CCL24: variants seen among roughly 807,000 people sequenced by gnomAD.
The protein encoded by CCL24 is C-C motif chemokine ligand 24.
A neutral mutation model predicts 8.6 loss-of-function variants in CCL24; 6 were observed. The observed-to-expected ratio is 0.70, with a 90% CI of 0.38 to 1.38. The LOEUF (loss-of-function observed/expected upper bound fraction) is 1.38. Ranked by LOEUF, CCL24 falls within the 40% of genes most tolerant of loss-of-function variation. The probability of loss-of-function intolerance (pLI) is 0.02; values close to 1 mark genes in which losing one functional copy is unlikely to be tolerated. For missense variants in CCL24, 126 were observed against 147.1 expected, an observed-to-expected ratio of 0.86 and a Z score of 0.74; for synonymous variants, 59 against 52.7, an observed-to-expected ratio of 1.12 and a Z score of -0.52.
chr7:75,811,587 G>A lies in CCL24; in HGVS notation c.*209C>T. 1 of 467,988 alleles carries A rather than the reference G, an allele frequency of 2.1e-6. No homozygotes were observed. The highest frequency in any genetic ancestry group is 3.8e-6 in the Non-Finnish European group (1 of 265,798). 29.0% of individuals were successfully genotyped at this position (467,988 alleles called of 1,614,324 possible). ...TCTCACCCAGCTCCAGAAAGGCAAG[G>A]GGCCTTGGATGCTTGGAGCCATTGC... On this transcript the variant is annotated 3_prime_UTR_variant, in exon 3 of 3. Coordinates refer to ENST00000222902, the MANE Select transcript of CCL24 (RefSeq NM_002991.3).
Position 75,821,324 on chromosome 7 carries a change from C to T in CCL24, c.-60+1998G>A, listed in dbSNP as rs150166143. Among the ~76,000 whole-genome samples, 105 of 151,134 alleles carry T rather than the reference C, an allele frequency of 6.9e-4. No individual in the cohort carries two copies. The East Asian group carries it at 0.019, about 27-fold the overall frequency. On this transcript the variant is annotated intron_variant, in intron 1 of 3. Coordinates refer to the CCL24 transcript ENST00000416943. ...AGCCTTAAAGAAATCACTCTGGCTG[C>T]AGTAAGTCATGTGGCAGAACTGGTG...
intron 1 of CCL24, among the ~76,000 whole-genome samples, chr7:75,820,098 T>TTCTTCTTCTTCC (rs1804006324): frequency 8.4e-6 from 1 of 118,534 alleles, no homozygotes; most frequent in African/African-American, 2.9e-5. Context: ...CCTCTTCTTC[T>TTCTTCTTCTTCC]TCTTCTTCCT....
Position 75,811,527 on chromosome 7 carries a change from G to A in CCL24, c.*269C>T, listed in dbSNP as rs558803389. On this transcript the variant is annotated 3_prime_UTR_variant, in exon 3 of 3. Coordinates refer to ENST00000222902, the MANE Select transcript of CCL24 (RefSeq NM_002991.3). ...CATCAGAACCAGGTCAGGAGGAGAA[G>A]GCAAAGAGTTGCCACTGCTCTCCTT... The A allele has an allele frequency of 3.1e-5, 11 of 354,960 alleles. No homozygotes were observed. In the East Asian group the frequency reaches 4.7e-4, roughly 15 times the overall value. 22.0% of individuals were successfully genotyped at this position (354,960 alleles called of 1,614,324 possible). A position where few individuals can be genotyped will look rare whatever the true frequency, so the allele number is the denominator to read the frequency against.
intron 1 of CCL24, among the ~76,000 whole-genome samples, chr7:75,820,006 T>C (rs940764511): frequency 6.8e-6 from 1 of 146,308 alleles, no homozygotes; most frequent in Admixed American, 6.9e-5. Context: ...ATGTAAGGGC[T>C]TTTAGTAAAC....
chr7:75,811,749 G>C lies in CCL24; in HGVS notation c.*47C>G. 1.3e-6 allele frequency: 2 copies of C among 1,543,386 alleles called. No homozygotes were observed. Among genetic ancestry groups the C allele is most frequent in the Non-Finnish European group, 1.8e-6 (2 of 1,139,848 alleles). ...GGCTTCTCCAGGCCCCGAGTAGCCC[G>C]CCAAGCAGCTCAGGCCCAAACTCAG... On this transcript the variant is annotated 3_prime_UTR_variant, in exon 3 of 3. Transcript: ENST00000222902.
chr7:75,811,643 C>T lies in CCL24; in HGVS notation c.*153G>A. 1.5e-6 allele frequency: 1 copy of T among 657,890 alleles called. No homozygotes were observed. Among genetic ancestry groups the T allele is most frequent in the Non-Finnish European group, 2.5e-6 (1 of 402,094 alleles). 40.8% of individuals were successfully genotyped at this position (657,890 alleles called of 1,614,324 possible). On this transcript the variant is annotated 3_prime_UTR_variant, in exon 3 of 3. Transcript: ENST00000222902. ...CCCCGGGAACCACATCACCTGCTCCCTCGGGTTTTTCATAGAAGAGACACA... is the reference window on the plus strand; with the variant it reads ...CCCCGGGAACCACATCACCTGCTCCTTCGGGTTTTTCATAGAAGAGACACA...
chr7:75,820,743 C>A (rs1303409236), intron 1 of CCL24, among the ~76,000 whole-genome samples: 2 of 150,306 alleles, frequency 1.3e-5, no homozygotes, highest in South Asian at 2.1e-4. Context: ...ACCTACCCAC[C>A]CATGCATCCA....
upstream of CCL24, among the ~76,000 whole-genome samples, chr7:75,817,625 C>T: frequency 6.6e-6 from 1 of 151,402 alleles, no homozygotes; most frequent in South Asian, 2.1e-4. Flanking sequence ...GCCTCAGCCT[C>T]CTGAGTAGCT....
intron 1 of CCL24, among the ~76,000 whole-genome samples, chr7:75,819,458 C>T (rs1803979247): frequency 6.7e-6 from 1 of 148,630 alleles, no homozygotes; most frequent in African/African-American, 2.5e-5. Flanking sequence ...AACCTCAACT[C>T]TACAAAATAT....
At chr7:75,814,294 G>A (rs1203663168), upstream of CCL24, among the ~76,000 whole-genome samples, 2 of 152,134 alleles carry the variant, frequency 1.3e-5, no homozygotes. Context: ...AGCTGGGCAC[G>A]GGGGCTCATG....
chr7:75,815,898 C>T (rs549915270), upstream of CCL24, among the ~76,000 whole-genome samples: 6 of 152,254 alleles, frequency 3.9e-5, no homozygotes, highest in East Asian at 9.7e-4. Context: ...TTCAATTATG[C>T]CTAACCATAA....
chr7:75,817,227 C>T (rs559934759), upstream of CCL24, among the ~76,000 whole-genome samples: 67 of 152,170 alleles, frequency 4.4e-4, no homozygotes, highest in African/African-American at 1.2e-3. Context: ...GAGGGGATGC[C>T]GGTTGACTGC....
At chr7:75,815,293 A>G (rs1554533987), upstream of CCL24, among the ~76,000 whole-genome samples, 1 of 150,684 alleles carries the variant, frequency 6.6e-6, no homozygotes, top group Non-Finnish European at 1.5e-5. Context: ...GAGCTAGGTG[A>G]GCACCACTGA....
chr7:75,815,088 CA>C (rs1172684035), upstream of CCL24, among the ~76,000 whole-genome samples: 1 of 152,000 alleles, frequency 6.6e-6, no homozygotes, highest in Non-Finnish European at 1.5e-5. Context: ...CCTGTAATCC[CA>C]ATGCTTTAGG....
upstream of CCL24, among the ~76,000 whole-genome samples, chr7:75,815,529 G>T (rs1466573754): frequency 6.6e-6 from 1 of 152,084 alleles, no homozygotes; most frequent in East Asian, 1.9e-4. Context: ...GGCCAATTGT[G>T]CCAGGAGGAA....
intron 1 of CCL24, among the ~76,000 whole-genome samples, chr7:75,821,406 A>G (rs1804046460): frequency 6.6e-6 from 1 of 152,050 alleles, no homozygotes; most frequent in Non-Finnish European, 1.5e-5. Flanking sequence ...GGATGGAAAA[A>G]AGAGGATGGA....
At chr7:75,820,798 T>C (rs1040322883) in intron 1 of CCL24, among the ~76,000 whole-genome samples, 12 of 147,722 alleles carry the variant, frequency 8.1e-5, no homozygotes, top group Non-Finnish European at 1.6e-4. Flanking sequence ...TACTCATCTA[T>C]CCATCCATCC....
At chr7:75,820,030 T>A (rs1343438658) in intron 1 of CCL24, among the ~76,000 whole-genome samples, 19 of 124,854 alleles carry the variant, frequency 1.5e-4, no homozygotes, top group African/African-American at 5.5e-4. Context: ...TTCTTCTTCT[T>A]CTTCTTCTTC....
intron 1 of CCL24, among the ~76,000 whole-genome samples, chr7:75,821,034 G>A (rs1804040431): frequency 6.6e-6 from 1 of 152,180 alleles, no homozygotes; most frequent in African/African-American, 2.4e-5. Context: ...TACAGGTGTT[G>A]CCTTGGGGAA....
Sources: allele counts gnomAD v4.1 joint callset (sites outside exome capture counted in the v4.1 genomes callset), GRCh38; gene constraint gnomAD v4.1.1; transcripts MANE v1.5; gene names NCBI Gene and HGNC (gene_info 2026-07-23, HGNC 2026-07-21).